Variants in ICE2 observed in about 807,000 individuals in gnomAD.
The protein encoded by ICE2 is little elongation complex subunit 2.
ICE2 carries 87 observed loss-of-function variants against 105.4 expected under a neutral mutation model. The ratio of observed to expected loss-of-function variants is 0.83; its 90% confidence interval spans 0.69 to 0.99. The LOEUF is 0.99. Ranked by LOEUF, ICE2 falls within the 50% of genes least tolerant of loss-of-function variation. The pLI is 0.00. For synonymous variants in ICE2, 399 were observed against 392.0 expected (o/e 1.02, Z -0.21); for missense variants, 1,323 against 1,146.7 (o/e 1.15, Z -2.22).
intron 1 of ICE2, among the ~76,000 whole-genome samples, chr15:60,478,358 A>T (rs755861147): frequency 6.6e-6 from 1 of 152,236 alleles, no homozygotes; most frequent in Non-Finnish European, 1.5e-5. Context: ...ACTTGATGGC[A>T]TGGAACGGGA....
chr15:60,433,768 G>C (rs1221231691), intron 13 of ICE2, among the ~76,000 whole-genome samples: 2 of 150,922 alleles, frequency 1.3e-5, no homozygotes, highest in Non-Finnish European at 2.9e-5. Context: ...GGGGATTACA[G>C]GCATGAGCCA....
intron 14 of ICE2, among the ~76,000 whole-genome samples, chr15:60,430,898 G>T (rs1316814186): frequency 6.6e-6 from 1 of 151,954 alleles, no homozygotes; most frequent in Non-Finnish European, 1.5e-5. Flanking sequence ...TTTTCTAGAG[G>T]AAGTCTCACT....
chr15:60,440,783 C>G (rs2063701415), intron 12 of ICE2: 1 of 152,010 alleles, frequency 6.6e-6, no homozygotes. Flanking sequence ...TACCTACACC[C>G]CACCAAAAAA....
intron 4 of ICE2, among the ~76,000 whole-genome samples, chr15:60,467,371 GCTTA>G (rs2141141222): frequency 6.6e-6 from 1 of 152,266 alleles, no homozygotes; most frequent in Non-Finnish European, 1.5e-5. Context: ...TATGGAAAAT[GCTTA>G]CTGTCATTAG....
intron 15 of ICE2, among the ~76,000 whole-genome samples, chr15:60,426,874 T>C (rs932416519): frequency 6.6e-6 from 1 of 152,212 alleles, no homozygotes; most frequent in Non-Finnish European, 1.5e-5. Flanking sequence ...CCTTCAAAAA[T>C]AGTTCTTCAA....
At chr15:60,430,918 A>G (rs1423497767) in intron 14 of ICE2, among the ~76,000 whole-genome samples, 1 of 152,154 alleles carries the variant, frequency 6.6e-6, no homozygotes, top group Non-Finnish European at 1.5e-5. Context: ...TCTGTCGCCC[A>G]GGCTGGAGTG....
rs2063239208 is a variant in ICE2, at chr15:60,421,151, G to A, written c.*2483C>T. Reference sequence around the variant, plus strand: ...GTGTATAAATTACACCTTCACTGCTGAGGTATAAATGGGCCAGGGTGATCA... The same window carrying A: ...GTGTATAAATTACACCTTCACTGCTAAGGTATAAATGGGCCAGGGTGATCA... On this transcript the variant is annotated 3_prime_UTR_variant, in exon 16 of 16. Coordinates refer to ENST00000261520, the MANE Select transcript of ICE2 (RefSeq NM_024611.6). The A allele has an allele frequency of 6.6e-6, 1 of 151,830 alleles. No homozygotes were observed. The highest frequency in any genetic ancestry group is 1.5e-5 in the Non-Finnish European group (1 of 68,012). The allele number at this position is 151,830 out of a possible 1,614,324, so 9.4% of individuals were successfully genotyped here. A position where few individuals can be genotyped will look rare whatever the true frequency, so the allele number is the denominator to read the frequency against.
chr15:60,478,003 G>A lies in ICE2; in HGVS notation c.-26C>T. 1 of 1,611,764 alleles carries A rather than the reference G, an allele frequency of 6.2e-7. No homozygotes were observed. Among genetic ancestry groups the A allele is most frequent in the South Asian group, 1.1e-5 (1 of 91,046 alleles). ...CTTCCTAGATTTCTGCTTCACTCTA[G>A]CTCACAGTTCACAGCTGCCTGGCTG... On this transcript the variant is annotated 5_prime_UTR_variant, in exon 2 of 16. Transcript: ENST00000261520.
intron 3 of ICE2, among the ~76,000 whole-genome samples, chr15:60,473,911 T>C (rs565620462): frequency 1.1e-4 from 16 of 152,198 alleles, no homozygotes; most frequent in South Asian, 4.2e-4. Context: ...TTTTAAAAAA[T>C]TGTCTCTTTT....
rs753765886 is a variant in ICE2, at chr15:60,455,097, A to G, written c.849T>C (p.Thr283=). The G allele has an allele frequency of 6.2e-7, 1 of 1,602,842 alleles. No homozygotes were observed. The highest frequency in any genetic ancestry group is 1.3e-5 in the African/African-American group (1 of 74,240). ...VSRYHPQIAL[T]SQSLFTLLNN... The stretch of plus-strand genomic sequence containing the variant: ...TTAATAAGGTAAATAATGACTGACT[A>G]GTTAGAGCTATCTGAGGGTGATATC... Residue 283 remains threonine (T), a synonymous_variant, in exon 8 of 16, where the codon ACT becomes ACC. Transcript: ENST00000261520.
intron 15 of ICE2, among the ~76,000 whole-genome samples, chr15:60,425,220 T>C (rs1436416836): frequency 6.6e-6 from 1 of 152,118 alleles, no homozygotes; most frequent in Non-Finnish European, 1.5e-5. Flanking sequence ...AAAGGACAAA[T>C]TGAGTACAGA....
At chr15:60,464,025 A>C (rs1166702294) in intron 5 of ICE2, among the ~76,000 whole-genome samples, 2 of 152,234 alleles carry the variant, frequency 1.3e-5, no homozygotes, top group Non-Finnish European at 2.9e-5. Flanking sequence ...GTTAAGCTGC[A>C]TCTATTTTTT....
In ICE2 at chr15:60,435,784, C is replaced by A. The variant is rs535978933; in HGVS notation, c.2510+359G>T. 3.3e-5 allele frequency among the ~76,000 whole-genome samples: 5 copies of A among 152,148 alleles called. No individual in the cohort carries two copies. The South Asian group carries it at 1.0e-3, about 32-fold the overall frequency. On this transcript the variant is annotated intron_variant, in intron 13 of 15. Transcript: ENST00000261520. ...TGAGTCCAGGGGTTTGAGACCAGCC[C>A]AGGCAACATAGTGAAACCCCGTCTC...
chr15:60,456,932 AT>A (rs1455624341), intron 5 of ICE2, 138 bp from the exon 6 acceptor site: 3 of 374,444 alleles, frequency 8.0e-6, no homozygotes, highest in African/African-American at 6.4e-5. Flanking sequence ...TAATACACAC[AT>A]TGTATATTCT....
chr15:60,452,893 T>C, intron 9 of ICE2: 1 of 985,402 alleles, frequency 1.0e-6, no homozygotes, highest in South Asian at 4.7e-5. Context: ...ATACTTTCTG[T>C]AACAATCAAA....
intron 5 of ICE2, among the ~76,000 whole-genome samples, chr15:60,462,106 G>A (rs1206638810): frequency 6.6e-6 from 1 of 152,292 alleles, no homozygotes; most frequent in Non-Finnish European, 1.5e-5. Flanking sequence ...AAAGAATCTA[G>A]TATTTATTCT....
intron 3 of ICE2, among the ~76,000 whole-genome samples, chr15:60,473,625 T>C (rs534869550): frequency 6.6e-6 from 1 of 152,276 alleles, no homozygotes; most frequent in South Asian, 2.1e-4. Context: ...GATAGACATA[T>C]GTTCTCTAAA....
intron 5 of ICE2, among the ~76,000 whole-genome samples, chr15:60,460,404 A>T (rs995038079): frequency 2.0e-5 from 3 of 152,226 alleles, no homozygotes; most frequent in Admixed American, 6.5e-5. Context: ...AGGCCGAGGC[A>T]GGAGAGTTGC....
chr15:60,460,197 C>A (rs1269432060), intron 5 of ICE2, among the ~76,000 whole-genome samples: 1 of 152,056 alleles, frequency 6.6e-6, no homozygotes, highest in Non-Finnish European at 1.5e-5. Context: ...AAAACAGAGT[C>A]AAAAAATTGA....
Sources: gnomAD v4.1 joint callset for allele counts (sites outside exome capture counted in the v4.1 genomes callset) on GRCh38, gnomAD v4.1.1 for gene constraint, MANE v1.5 for transcripts, NCBI Gene and HGNC (gene_info 2026-07-23, HGNC 2026-07-21) for gene names.